Variants in ANKRD11 observed in about 807,000 individuals in gnomAD.
ANKRD11 encodes the protein ankyrin repeat domain 11, also known as ankyrin repeat domain-containing protein 11.
Under a neutral mutation model 195.7 loss-of-function variants are expected in ANKRD11, and 17 were observed. The ratio of observed to expected loss-of-function variants is 0.09; its 90% confidence interval spans 0.06 to 0.13. The LOEUF (loss-of-function observed/expected upper bound fraction) is 0.13. ANKRD11 is among the 10% of genes least tolerant of loss of function. The pLI, the probability that ANKRD11 is intolerant of heterozygous loss-of-function variation, is 1.00. For synonymous variants in ANKRD11, 1,953 were observed against 1,528.1 expected, an observed-to-expected ratio of 1.28 and a Z score of -6.49; for missense variants, 3,735 against 3,566.1, an observed-to-expected ratio of 1.05 and a Z score of -1.21.
At chr16:89,437,760 G>A (rs922407719) in intron 1 of ANKRD11, among the ~76,000 whole-genome samples, 1 of 152,022 alleles carries the variant, frequency 6.6e-6, no homozygotes, top group African/African-American at 2.4e-5. Flanking sequence ...CCATGCATCC[G>A]CTCCTCCGCC....
chr16:89,404,806 A>G (rs913647913), intron 2 of ANKRD11, among the ~76,000 whole-genome samples: 2 of 152,242 alleles, frequency 1.3e-5, no homozygotes, highest in Non-Finnish European at 1.5e-5. Context: ...TGAAGGCATC[A>G]TGGATCCAAA....
chr16:89,317,144 C>T, intron 2 of ANKRD11, 66 bp from the exon 3 acceptor site: 2 of 1,048,202 alleles, frequency 1.9e-6, no homozygotes, highest in Non-Finnish European at 2.9e-6. Context: ...CACTCTCACA[C>T]CGCACTCAAC....
chr16:89,386,040 C>T (rs1418053051), intron 2 of ANKRD11, among the ~76,000 whole-genome samples: 2 of 152,222 alleles, frequency 1.3e-5, no homozygotes, highest in Admixed American at 1.3e-4. Flanking sequence ...CCGCCATGCC[C>T]GCAAACTGGG....
chr16:89,334,998 TGACATGA>T (rs2038273453), intron 2 of ANKRD11, among the ~76,000 whole-genome samples: 1 of 152,070 alleles, frequency 6.6e-6, no homozygotes, highest in Non-Finnish European at 1.5e-5. Context: ...CAGGTACATG[TGACATGA>T]GCTCTATCGT....
chr16:89,290,996 C>A lies in ANKRD11; in HGVS notation c.397+17G>T. 1.2e-6 allele frequency: 2 copies of A among 1,610,596 alleles called. No individual in the cohort carries two copies. Among genetic ancestry groups the A allele is most frequent in the South Asian group, 2.2e-5 (2 of 90,972 alleles). On this transcript the variant is annotated intron_variant, in intron 5 of 12. Transcript: ENST00000301030. ...GCCCCTTCCCTGCGCCAGGGACCAC[C>A]CACAGGCCGGGCTCACCTGGGCTGT...
chr16:89,301,229 T>TGGAAGGG, intron 4 of ANKRD11: 1 of 409,674 alleles, frequency 2.4e-6, no homozygotes, highest in Non-Finnish European at 4.3e-6. Context: ...GCCAAAGTGC[T>TGGAAGGG]GGAAGGGTGA....
Position 89,476,398 on chromosome 16 carries a change from A to G in ANKRD11, c.-145+13847T>C, listed in dbSNP as rs146160507. On this transcript the variant is annotated intron_variant, in intron 1 of 12. Coordinates refer to ENST00000301030, the MANE Select transcript of ANKRD11 (RefSeq NM_013275.6). ...CCTATTATCCTCAGGTTCTTGGGTT[A>G]TTCGTAGAATAGCAAAGCAAACTAC... Among the ~76,000 whole-genome samples the G allele has an allele frequency of 9.0e-3, 1,369 of 152,360 alleles. 9 individuals are homozygous for G. The highest frequency in any genetic ancestry group is 0.02 in the Middle Eastern group (6 of 294).
chr16:89,416,195 A>G (rs2042305335), intron 2 of ANKRD11, among the ~76,000 whole-genome samples: 1 of 152,162 alleles, frequency 6.6e-6, no homozygotes, highest in Non-Finnish European at 1.5e-5. Context: ...TATTGTTCTC[A>G]ATCCACTAGA....
chr16:89,297,336 A>T (rs1053176554), intron 4 of ANKRD11, among the ~76,000 whole-genome samples: 1 of 152,178 alleles, frequency 6.6e-6, no homozygotes, highest in Non-Finnish European at 1.5e-5. Flanking sequence ...TTCCATGGCG[A>T]TATTTTCAAA....
At chr16:89,444,406 T>C (rs1348087406) in intron 1 of ANKRD11, among the ~76,000 whole-genome samples, 1 of 151,898 alleles carries the variant, frequency 6.6e-6, no homozygotes, top group East Asian at 1.9e-4. Context: ...GTACTAAACA[T>C]TTTCTTTGGG....
At chr16:89,276,740 C>T (rs376526755) in intron 9 of ANKRD11, among the ~76,000 whole-genome samples, 2 of 152,328 alleles carry the variant, frequency 1.3e-5, no homozygotes, top group South Asian at 2.1e-4. Context: ...CTGAACTTTT[C>T]TGCCCATCTA....
At chr16:89,324,573 T>C (rs75355001) in intron 2 of ANKRD11, 8,532 of 453,804 alleles carry the variant, frequency 0.019, 646 homozygotes, top group African/African-American at 0.15. Flanking sequence ...ACCCTCCATC[T>C]GGGGGGGCAT....
At position 89,291,289 on chromosome 16, in the gene ANKRD11, G is replaced by C; in HGVS notation, c.227-106C>G. 2 of 1,384,656 alleles carry C rather than the reference G, an allele frequency of 1.4e-6. No homozygotes were observed. Among genetic ancestry groups the C allele is most frequent in the East Asian group, 2.4e-5 (1 of 41,046 alleles). The allele number at this position is 1,384,656 out of a possible 1,614,324, so 85.8% of individuals were successfully genotyped here. A position where few individuals can be genotyped will look rare whatever the true frequency, so the allele number is the denominator to read the frequency against. On this transcript the variant is annotated intron_variant, in intron 4 of 12. Transcript: ENST00000301030. This position sits in a 1 kb window ranked among gnomAD's most constrained non-coding sequence, Gnocchi z 5.3. ...CGGAGCCCCCTGCGTCCACCTGACAGCTGACAGAGCAGAAAGGAAGGTCTG... is the reference window on the plus strand; with the variant it reads ...CGGAGCCCCCTGCGTCCACCTGACACCTGACAGAGCAGAAAGGAAGGTCTG...
intron 4 of ANKRD11, among the ~76,000 whole-genome samples, chr16:89,294,516 G>A (rs966256699): frequency 6.6e-6 from 1 of 152,076 alleles, no homozygotes; most frequent in Admixed American, 6.5e-5. Flanking sequence ...CCAAGCTCCG[G>A]AGCCCAGCAA....
chr16:89,462,131 T>C (rs960964125), intron 1 of ANKRD11, among the ~76,000 whole-genome samples: 2 of 150,352 alleles, frequency 1.3e-5, no homozygotes, highest in African/African-American at 4.9e-5. Flanking sequence ...TCATGCTGAG[T>C]CGAAGCTGGA....
At chr16:89,271,472 C>A in intron 11 of ANKRD11, 1 of 183,930 alleles carries the variant, frequency 5.4e-6, no homozygotes. Flanking sequence ...GTCCTGTGTC[C>A]TGAAGGGTGG....
intron 1 of ANKRD11, among the ~76,000 whole-genome samples, chr16:89,489,621 C>A (rs1049035488): frequency 2.6e-5 from 4 of 152,124 alleles, no homozygotes; most frequent in African/African-American, 9.6e-5. Context: ...ACGGCGAAGG[C>A]GCCCCTCTCG....
chr16:89,346,806 T>C (rs1253309428), intron 2 of ANKRD11, among the ~76,000 whole-genome samples: 1 of 152,142 alleles, frequency 6.6e-6, no homozygotes, highest in Non-Finnish European at 1.5e-5. Flanking sequence ...AAAGTTAGAA[T>C]ACAACCAAAA....
chr16:89,452,332 C>G (rs1411203102), intron 1 of ANKRD11, among the ~76,000 whole-genome samples: 1 of 152,120 alleles, frequency 6.6e-6, no homozygotes, highest in Non-Finnish European at 1.5e-5. Context: ...ACCCCACTCC[C>G]CTGGAGCCAC....
Sources: allele counts gnomAD v4.1 joint callset (sites outside exome capture counted in the v4.1 genomes callset), GRCh38; gene constraint gnomAD v4.1.1; non-coding constraint Gnocchi (gnomAD v3.1); transcripts MANE v1.5; gene names NCBI Gene and HGNC (gene_info 2026-07-23, HGNC 2026-07-21).